The following ZMYM4 variants were observed in gnomAD, a reference collection of about 807,000 sequenced individuals.
ZMYM4 encodes the protein zinc finger MYM-type containing 4, also known as zinc finger MYM-type protein 4.
A neutral mutation model predicts 183.2 loss-of-function variants in ZMYM4; 31 were observed. The observed-to-expected ratio is 0.17, with a 90% CI of 0.13 to 0.23. The LOEUF (loss-of-function observed/expected upper bound fraction) is 0.23, where lower values mean the gene tolerates loss of function less well. ZMYM4 is among the 10% of genes least tolerant of loss of function. ZMYM4 has a pLI of 1.00. For synonymous variants in ZMYM4, 592 were observed against 631.2 expected, an observed-to-expected ratio of 0.94 and a Z score of 0.93; for missense variants, 1,273 against 1,840.3, an observed-to-expected ratio of 0.69 and a Z score of 5.64.
chr1:35,394,760 T>C (rs1052863065), intron 18 of ZMYM4, among the ~76,000 whole-genome samples: 2 of 152,202 alleles, frequency 1.3e-5, no homozygotes, highest in African/African-American at 2.4e-5. Context: ...TAGTTTCACT[T>C]TCTTTGCTTG....
chr1:35,354,113 C>T (rs1264038215), intron 2 of ZMYM4, among the ~76,000 whole-genome samples: 1 of 151,908 alleles, frequency 6.6e-6, no homozygotes, highest in African/African-American at 2.4e-5. Context: ...CATGCCACTG[C>T]ACTCCAGCCT....
chr1:35,292,153 G>A (rs758589660), intron 1 of ZMYM4: 2 of 152,162 alleles, frequency 1.3e-5, no homozygotes, highest in Non-Finnish European at 2.9e-5. Context: ...AGACCTAAGA[G>A]AAAGCATATC....
At chr1:35,317,159 G>A (rs566153336) in intron 1 of ZMYM4, among the ~76,000 whole-genome samples, 2 of 138,556 alleles carry the variant, frequency 1.4e-5, no homozygotes, top group South Asian at 2.3e-4. Flanking sequence ...TCAGCCAGGC[G>A]TGGTGGCTCA....
chr1:35,318,064 T>G (rs1642127338), intron 1 of ZMYM4, among the ~76,000 whole-genome samples: 1 of 148,232 alleles, frequency 6.7e-6, no homozygotes, highest in Admixed American at 6.7e-5. Context: ...GTTTTTTTTT[T>G]TTTTTTTTTT....
chr1:35,294,224 A>G (rs186202544), intron 1 of ZMYM4, among the ~76,000 whole-genome samples: 12 of 152,218 alleles, frequency 7.9e-5, no homozygotes, highest in Admixed American at 7.9e-4. Context: ...TATCTTAATA[A>G]CTTTCTTGCT....
chr1:35,322,587 C>G (rs1404528016), intron 1 of ZMYM4, among the ~76,000 whole-genome samples: 1 of 152,124 alleles, frequency 6.6e-6, no homozygotes, highest in Non-Finnish European at 1.5e-5. Flanking sequence ...CGCTTATGAC[C>G]TTGACGAGAA....
chr1:35,291,010 A>C (rs1004361693), intron 1 of ZMYM4, among the ~76,000 whole-genome samples: 4 of 152,182 alleles, frequency 2.6e-5, no homozygotes, highest in African/African-American at 9.6e-5. Context: ...AGTAAAATTC[A>C]TCCTTTCATT....
chr1:35,324,187 T>C (rs1353168521), intron 1 of ZMYM4, among the ~76,000 whole-genome samples: 1 of 152,142 alleles, frequency 6.6e-6, no homozygotes, highest in Admixed American at 6.5e-5. Flanking sequence ...CCTTTCACCA[T>C]TATTTTCTTC....
intron 5 of ZMYM4, among the ~76,000 whole-genome samples, chr1:35,368,068 C>CA (rs1204869415): frequency 2.2e-5 from 3 of 134,384 alleles, no homozygotes; most frequent in Non-Finnish European, 3.2e-5. Context: ...AGCGCCCCCC[C>CA]CCCACCCATT....
rs1640268263 is a variant in ZMYM4, at chr1:35,419,884, G to A, written c.*207G>A. The A allele has an allele frequency of 1.7e-6, 1 of 573,264 alleles. No homozygotes were observed. The highest frequency in any genetic ancestry group is 1.9e-5 in the African/African-American group (1 of 53,284). 35.5% of individuals were successfully genotyped at this position (573,264 alleles called of 1,614,324 possible). On this transcript the variant is annotated 3_prime_UTR_variant, in exon 30 of 30. Transcript: ENST00000314607. ...GAACTGAGAAATGTTCTTTGGCAGT[G>A]ATATAGTTCTTAGACATCTTCAGAA...
intron 11 of ZMYM4, 151 bp from the exon 12 acceptor site, chr1:35,386,852 A>G (rs1644588995): frequency 1.3e-6 from 1 of 757,916 alleles, no homozygotes; most frequent in Non-Finnish European, 2.1e-6. Flanking sequence ...GACTCCCCCC[A>G]TTCCGTAATA....
intron 16 of ZMYM4, 99 bp downstream of exon 16, chr1:35,392,451 C>T (rs1238668789): frequency 2.1e-5 from 31 of 1,448,806 alleles, no homozygotes; most frequent in Non-Finnish European, 2.7e-5. Flanking sequence ...ACATTTGACA[C>T]ATTCAATATT....
At position 35,421,690 on chromosome 1, in the gene ZMYM4, TAA is replaced by T; in HGVS notation, c.*2014_*2015del. On this transcript the variant is annotated 3_prime_UTR_variant, in exon 30 of 30. Coordinates refer to ENST00000314607, the MANE Select transcript of ZMYM4 (RefSeq NM_005095.3). ...TTGCCCAGAACCCTAAATTTATTCA[TAA>T]GAGAAAATATTGATTAATTATTGGT... is the stretch of plus-strand genomic sequence containing the variant. 6.6e-6 allele frequency: 1 copy of T among 152,348 alleles called. No individual in the cohort carries two copies. Among genetic ancestry groups the T allele is most frequent in the Middle Eastern group, 3.4e-3 (1 of 294 alleles). 9.4% of individuals were successfully genotyped at this position (152,348 alleles called of 1,614,324 possible). A position where few individuals can be genotyped will look rare whatever the true frequency, so the allele number is the denominator to read the frequency against.
At chr1:35,341,840 A>C (rs1570393333) in intron 2 of ZMYM4, among the ~76,000 whole-genome samples, 3 of 152,154 alleles carry the variant, frequency 2.0e-5, no homozygotes, top group African/African-American at 2.4e-5. Context: ...TTTCTGTCAA[A>C]TAGGCTTAGG....
At chr1:35,362,079 A>G (rs923847824) in intron 5 of ZMYM4, among the ~76,000 whole-genome samples, 1 of 152,186 alleles carries the variant, frequency 6.6e-6, no homozygotes, top group African/African-American at 2.4e-5. Context: ...ATGGTTGAAG[A>G]TTTATGGTAG....
At chr1:35,274,240 TTC>T (rs1490841345) in intron 1 of ZMYM4, among the ~76,000 whole-genome samples, 3 of 152,212 alleles carry the variant, frequency 2.0e-5, no homozygotes, top group African/African-American at 7.2e-5. Flanking sequence ...GAAGAGGCCA[TTC>T]AAATACAGTG....
At chr1:35,401,394 T>C (rs1490143004) in intron 23 of ZMYM4, among the ~76,000 whole-genome samples, 1 of 152,250 alleles carries the variant, frequency 6.6e-6, no homozygotes, top group Non-Finnish European at 1.5e-5. Context: ...ATGTTAAGCA[T>C]CTTTTCATAT....
At chr1:35,292,780 G>A (rs942224387) in intron 1 of ZMYM4, among the ~76,000 whole-genome samples, 1 of 152,070 alleles carries the variant, frequency 6.6e-6, no homozygotes. Context: ...GATTACAGGC[G>A]TGAGCCACCG....
chr1:35,325,215 C>A, intron 1 of ZMYM4, 145 bp from the exon 2 acceptor site: 2 of 649,898 alleles, frequency 3.1e-6, no homozygotes, highest in Non-Finnish European at 4.7e-6. Flanking sequence ...TTATTTTACT[C>A]TATTTGGCAA....
Sources: gnomAD v4.1 joint callset for allele counts (sites outside exome capture counted in the v4.1 genomes callset) on GRCh38, gnomAD v4.1.1 for gene constraint, MANE v1.5 for transcripts, NCBI Gene and HGNC (gene_info 2026-07-23, HGNC 2026-07-21) for gene names.